ITPK1: variants seen among roughly 807,000 people sequenced by gnomAD.
ITPK1 encodes inositol-tetrakisphosphate 1-kinase.
A neutral mutation model predicts 45.3 loss-of-function variants in ITPK1; 21 were observed. That is an observed-to-expected ratio of 0.46 (90% CI 0.33 to 0.67). The LOEUF (loss-of-function observed/expected upper bound fraction) is 0.67. ITPK1 is among the 30% of genes least tolerant of loss of function. The pLI is 0.02. For synonymous variants in ITPK1, 258 were observed against 253.6 expected (o/e 1.02, Z -0.16); for missense variants, 474 against 573.5 (o/e 0.83, Z 1.77).
chr14:93,075,461 T>C (rs1487650833), intron 3 of ITPK1, among the ~76,000 whole-genome samples: 3 of 143,966 alleles, frequency 2.1e-5, no homozygotes, highest in African/African-American at 5.1e-5. Context: ...TTCCAGAAAC[T>C]ACCTCCTTAC....
At chr14:93,062,305 C>T (rs566884258) in intron 3 of ITPK1, among the ~76,000 whole-genome samples, 21 of 151,838 alleles carry the variant, frequency 1.4e-4, no homozygotes, top group Non-Finnish European at 3.1e-4. Flanking sequence ...TTGGTGCACA[C>T]CATGGTCCCA....
intron 4 of ITPK1, among the ~76,000 whole-genome samples, chr14:92,994,615 G>A (rs1358416384): frequency 6.6e-6 from 1 of 152,168 alleles, no homozygotes; most frequent in East Asian, 1.9e-4. Flanking sequence ...GTCCAGAACA[G>A]AACTCAATAA....
intron 2 of ITPK1, among the ~76,000 whole-genome samples, chr14:93,101,694 C>CA (rs1892326564): frequency 6.6e-6 from 1 of 152,152 alleles, no homozygotes; most frequent in South Asian, 2.1e-4. Context: ...ACTAAAAATA[C>CA]AAAAAATTAG....
chr14:93,040,558 G>C (rs1234782484), intron 3 of ITPK1, among the ~76,000 whole-genome samples: 1 of 152,156 alleles, frequency 6.6e-6, no homozygotes, highest in Admixed American at 6.5e-5. Flanking sequence ...CCAAATACTT[G>C]GAGTTCCCCC....
rs1192054937 is a variant in ITPK1, at chr14:92,940,802, C to T, written c.*759G>A. ...CACAGGCGCCATCGGCTCGGGCCTC[C>T]AGCCAGGCAGCCTCCTTCCCGGGCT... is the stretch of plus-strand genomic sequence containing the variant. On this transcript the variant is annotated 3_prime_UTR_variant, in exon 11 of 11. Coordinates refer to ENST00000267615, the MANE Select transcript of ITPK1 (RefSeq NM_014216.6). 11 of 1,286,810 alleles carry T rather than the reference C, an allele frequency of 8.5e-6. No homozygotes were observed. The Admixed American group carries it at 1.8e-4, about 22-fold the overall frequency. 79.7% of individuals were successfully genotyped at this position (1,286,810 alleles called of 1,614,324 possible).
rs540707173 is a variant in ITPK1 at position 93,014,466 on chromosome 14, A to C, written c.246+2210T>G. Among the ~76,000 whole-genome samples the C allele has an allele frequency of 6.6e-6, 1 of 152,294 alleles. No homozygotes were observed. The highest frequency in any genetic ancestry group is 2.4e-5 in the African/African-American group (1 of 41,564). On this transcript the variant is annotated intron_variant, in intron 4 of 10. Transcript: ENST00000267615. This position sits in a 1 kb window ranked among gnomAD's most constrained non-coding sequence, Gnocchi z 4.4. ...GGAGATGTGGTCTCTAGGAAGAGCA[A>C]CCGTGTGGGTGTGATGAAGTGGCAC... is the stretch of plus-strand genomic sequence containing the variant.
rs1317404057 is a variant in ITPK1 at position 93,036,443 on chromosome 14, C to T, written c.121-19642G>A. On this transcript the variant is annotated intron_variant, in intron 3 of 10. Coordinates refer to ENST00000267615, the MANE Select transcript of ITPK1 (RefSeq NM_014216.6). The surrounding 1 kb of genome is among the most constrained non-coding windows in gnomAD (Gnocchi z 4.1). Reference sequence around the variant, plus strand: ...CTCAGTATTCACGGCTGCTTTCCCGCACGTCAGACACAGCCAACAATGACA... The same window carrying T: ...CTCAGTATTCACGGCTGCTTTCCCGTACGTCAGACACAGCCAACAATGACA... 6.6e-6 allele frequency among the ~76,000 whole-genome samples: 1 copy of T among 152,194 alleles called. No individual in the cohort carries two copies. The highest frequency in any genetic ancestry group is 1.5e-5 in the Non-Finnish European group (1 of 68,020).
chr14:92,969,726 G>A (rs1050666199), intron 5 of ITPK1, among the ~76,000 whole-genome samples: 7 of 152,190 alleles, frequency 4.6e-5, no homozygotes, highest in African/African-American at 7.2e-5. Context: ...CGGGGAGCCC[G>A]GGAGGCTATT....
At chr14:93,108,356 A>C (rs1351652484) in intron 2 of ITPK1, among the ~76,000 whole-genome samples, 1 of 152,250 alleles carries the variant, frequency 6.6e-6, no homozygotes, top group Non-Finnish European at 1.5e-5. Flanking sequence ...AACCCTATTT[A>C]CATCCAGCTG....
chr14:93,013,018 C>T (rs968375287), intron 4 of ITPK1, among the ~76,000 whole-genome samples: 1 of 152,182 alleles, frequency 6.6e-6, no homozygotes, highest in Admixed American at 6.5e-5. Context: ...CGTGTTGCCC[C>T]CCTGGGAAAG....
At chr14:92,998,563 C>G (rs555872879) in intron 4 of ITPK1, among the ~76,000 whole-genome samples, 2 of 152,160 alleles carry the variant, frequency 1.3e-5, no homozygotes, top group Admixed American at 6.5e-5. Context: ...AGGTGAGGGA[C>G]GGATGAAATG....
chr14:93,031,464 T>C (rs189227367), intron 3 of ITPK1, among the ~76,000 whole-genome samples: 2 of 152,334 alleles, frequency 1.3e-5, no homozygotes, highest in Non-Finnish European at 2.9e-5. Context: ...GCAGTTGCCA[T>C]TTTTATGGCC....
rs1350764058 is a variant in ITPK1 at position 93,063,118 on chromosome 14, G to A, written c.120+13477C>T. ...GACCCTTCTCCAAGCCCCACTCCTT[G>A]GCCATTAGCTCAGTCCCAAAGGCAT... On this transcript the variant is annotated intron_variant, in intron 3 of 10. Coordinates refer to ENST00000267615, the MANE Select transcript of ITPK1 (RefSeq NM_014216.6). This position sits in a 1 kb window ranked among gnomAD's most constrained non-coding sequence, Gnocchi z 4.3. Among the ~76,000 whole-genome samples the A allele has an allele frequency of 6.6e-6, 1 of 151,840 alleles. No homozygotes were observed.
intron 5 of ITPK1, among the ~76,000 whole-genome samples, chr14:92,985,361 T>C (rs766823616): frequency 9.2e-5 from 14 of 152,144 alleles, no homozygotes; most frequent in Non-Finnish European, 1.6e-4. Flanking sequence ...TAGATAATTA[T>C]GGTCAGATAG....
chr14:92,989,060 C>G (rs1886646756), intron 5 of ITPK1, among the ~76,000 whole-genome samples: 2 of 152,072 alleles, frequency 1.3e-5, no homozygotes, highest in African/African-American at 2.4e-5. Context: ...CTGGGAGCAG[C>G]TCCCCACCAA....
intron 3 of ITPK1, among the ~76,000 whole-genome samples, chr14:93,048,872 C>G (rs1889893600): frequency 6.6e-6 from 1 of 152,156 alleles, no homozygotes; most frequent in Non-Finnish European, 1.5e-5. Context: ...CTGCTTGAAC[C>G]CAGGAGCCAG....
In ITPK1 at chr14:93,014,954, G is replaced by A. The variant is rs972729369; in HGVS notation, c.246+1722C>T. Among the ~76,000 whole-genome samples, 7 of 152,350 alleles carry A rather than the reference G, an allele frequency of 4.6e-5. No homozygotes were observed. In the South Asian group the frequency reaches 8.3e-4, roughly 18 times the overall value. On this transcript the variant is annotated intron_variant, in intron 4 of 10. Coordinates refer to ENST00000267615, the MANE Select transcript of ITPK1 (RefSeq NM_014216.6). The surrounding 1 kb of genome is among the most constrained non-coding windows in gnomAD (Gnocchi z 4.4). Reference sequence around the variant, plus strand: ...CACCATCCCTGCCCCAAAGGTCTGCGTGGCAGCCCAGGCATGGCTGTGCTC... The same window carrying A: ...CACCATCCCTGCCCCAAAGGTCTGCATGGCAGCCCAGGCATGGCTGTGCTC...
At chr14:92,963,059 C>T (rs188940784) in intron 5 of ITPK1, among the ~76,000 whole-genome samples, 1 of 152,318 alleles carries the variant, frequency 6.6e-6, no homozygotes, top group Non-Finnish European at 1.5e-5. Flanking sequence ...TCTGTAATTA[C>T]AAAACTCGTG....
chr14:92,957,596 T>C (rs933229529), intron 8 of ITPK1, among the ~76,000 whole-genome samples: 3 of 152,178 alleles, frequency 2.0e-5, no homozygotes, highest in South Asian at 4.1e-4. Flanking sequence ...GAACGCCCTA[T>C]GTGACACCCA....
Sources: allele counts gnomAD v4.1 joint callset (sites outside exome capture counted in the v4.1 genomes callset), GRCh38; gene constraint gnomAD v4.1.1; non-coding constraint Gnocchi (gnomAD v3.1); transcripts MANE v1.5; gene names NCBI Gene and HGNC (gene_info 2026-07-23, HGNC 2026-07-21).